The following NSMAF variants were observed in gnomAD, a reference collection of about 807,000 sequenced individuals.
NSMAF encodes the protein neutral sphingomyelinase activation associated factor.
Under a neutral mutation model 134.9 loss-of-function variants are expected in NSMAF, and 90 were observed. The ratio of observed to expected loss-of-function variants is 0.67; its 90% CI spans 0.56 to 0.79. NSMAF has a LOEUF of 0.79. NSMAF is among the 30% of genes least tolerant of loss of function. The probability of loss-of-function intolerance (pLI) is 0.00; values close to 1 mark genes in which losing one functional copy is unlikely to be tolerated. For missense variants in NSMAF, 1,010 were observed against 1,119.0 expected, an observed-to-expected ratio of 0.90 and a Z score of 1.39; for synonymous variants, 358 against 389.6, an observed-to-expected ratio of 0.92 and a Z score of 0.96.
intron 19 of NSMAF, among the ~76,000 whole-genome samples, chr8:58,598,364 A>T (rs550905664): frequency 6.6e-6 from 1 of 151,222 alleles, no homozygotes; most frequent in South Asian, 2.1e-4. Flanking sequence ...AAAAAAAAAA[A>T]CTCTGGCAGC....
intron 6 of NSMAF, among the ~76,000 whole-genome samples, chr8:58,624,839 G>A (rs2129144613): frequency 6.6e-6 from 1 of 152,154 alleles, no homozygotes; most frequent in South Asian, 2.1e-4. Flanking sequence ...TCGAAAGTGT[G>A]GTATTGAAAT....
chr8:58,616,698 A>T (rs1389572157), intron 9 of NSMAF, among the ~76,000 whole-genome samples: 1 of 152,188 alleles, frequency 6.6e-6, no homozygotes. Context: ...GAATGAGGCA[A>T]TAATGTTCAT....
intron 2 of NSMAF, among the ~76,000 whole-genome samples, chr8:58,636,261 C>G (rs994897606): frequency 5.9e-5 from 9 of 152,288 alleles, no homozygotes; most frequent in African/African-American, 2.2e-4. Flanking sequence ...TGGGACCCTG[C>G]TGAATAACAC....
At chr8:58,645,246 T>C (rs1287787794) in intron 1 of NSMAF, among the ~76,000 whole-genome samples, 1 of 149,774 alleles carries the variant, frequency 6.7e-6, no homozygotes, top group African/African-American at 2.4e-5. Flanking sequence ...TACTGCACTC[T>C]GGCATGTGGT....
intron 1 of NSMAF, among the ~76,000 whole-genome samples, chr8:58,656,521 T>C (rs1306185609): frequency 6.6e-6 from 1 of 152,136 alleles, no homozygotes; most frequent in Non-Finnish European, 1.5e-5. Flanking sequence ...ATAAATAATA[T>C]ACTTTTAAAA....
chr8:58,587,447 T>C (rs1805911469), intron 27 of NSMAF, among the ~76,000 whole-genome samples, 171 bp downstream of exon 27: 1 of 152,172 alleles, frequency 6.6e-6, no homozygotes. Flanking sequence ...CAAAACAAAG[T>C]AGACTTGGAA....
chr8:58,620,453 CA>C (rs1806761041), intron 9 of NSMAF, among the ~76,000 whole-genome samples: 1 of 152,088 alleles, frequency 6.6e-6, no homozygotes, highest in Admixed American at 6.6e-5. Context: ...GTCTTGGGGC[CA>C]TGTTAAGGTG....
intron 13 of NSMAF, 68 bp downstream of exon 13, chr8:58,603,142 T>G: frequency 7.1e-7 from 1 of 1,406,314 alleles, no homozygotes; most frequent in South Asian, 1.2e-5. Flanking sequence ...ATTTATTCTG[T>G]CCTTTAAAAA....
At chr8:58,640,196 C>A in intron 2 of NSMAF, 1 of 370,850 alleles carries the variant, frequency 2.7e-6, no homozygotes, top group South Asian at 2.0e-5. Context: ...TTCTTATTCC[C>A]ACACACACAA....
chr8:58,586,633 A>C, intron 27 of NSMAF, 25 bp from the exon 28 acceptor site: 1 of 1,577,340 alleles, frequency 6.3e-7, no homozygotes, highest in Non-Finnish European at 8.7e-7. Flanking sequence ...ACATTGATAC[A>C]TATTCCATTA....
intron 1 of NSMAF, among the ~76,000 whole-genome samples, chr8:58,648,372 T>C (rs759705372): frequency 1.3e-5 from 2 of 152,156 alleles, no homozygotes; most frequent in Non-Finnish European, 2.9e-5. Context: ...TCTGGGAAAT[T>C]TGTAGCCCGG....
chr8:58,602,525 A>T (rs1373965137), intron 13 of NSMAF, among the ~76,000 whole-genome samples: 2 of 152,158 alleles, frequency 1.3e-5, no homozygotes, highest in Non-Finnish European at 2.9e-5. Context: ...CTTCAATATT[A>T]GCCTATTTGA....
At chr8:58,605,197 A>AT (rs1806376160) in intron 12 of NSMAF, among the ~76,000 whole-genome samples, 1 of 152,228 alleles carries the variant, frequency 6.6e-6, no homozygotes, top group Admixed American at 6.5e-5. Flanking sequence ...GAAAATTCAC[A>AT]TTTTCCATGG....
chr8:58,587,169 G>A (rs1005407716), intron 27 of NSMAF, among the ~76,000 whole-genome samples: 1 of 152,228 alleles, frequency 6.6e-6, no homozygotes, highest in Non-Finnish European at 1.5e-5. Context: ...AGTGAGAACT[G>A]AGCCAACAGG....
chr8:58,645,502 A>C (rs1465020534), intron 1 of NSMAF, among the ~76,000 whole-genome samples: 7 of 152,180 alleles, frequency 4.6e-5, no homozygotes, highest in Non-Finnish European at 7.3e-5. Flanking sequence ...ATCATCCCAC[A>C]GTGAAACTCA....
chr8:58,599,094 T>C (rs1806212193), intron 19 of NSMAF, 138 bp downstream of exon 19: 12 of 811,044 alleles, frequency 1.5e-5, no homozygotes, highest in Non-Finnish European at 2.2e-5. Context: ...TGACAGAACA[T>C]GCTTCCACTG....
chr8:58,650,284 AT>A (rs1291197041), intron 1 of NSMAF, among the ~76,000 whole-genome samples: 1 of 152,026 alleles, frequency 6.6e-6, no homozygotes, highest in Non-Finnish European at 1.5e-5. Flanking sequence ...TTTTGTTTTT[AT>A]TTTTTTAATC....
rs537164924 is a variant in NSMAF at position 58,583,881 on chromosome 8, T to A, written c.*225A>T. 22 of 538,122 alleles carry A rather than the reference T, an allele frequency of 4.1e-5. No individual in the cohort carries two copies. The South Asian group carries it at 4.3e-4, about 10-fold the overall frequency. The allele number at this position is 538,122 out of a possible 1,614,324, so 33.3% of individuals were successfully genotyped here. A position where few individuals can be genotyped will look rare whatever the true frequency, so the allele number is the denominator to read the frequency against. ...ACGGGGACGATCATCTGCCTTACAG[T>A]GTAACATGTTTTTCCTAACACAGCC... On this transcript the variant is annotated 3_prime_UTR_variant, in exon 31 of 31. Coordinates refer to ENST00000038176, the MANE Select transcript of NSMAF (RefSeq NM_003580.4).
chr8:58,609,423 G>A (rs564134753), intron 10 of NSMAF, among the ~76,000 whole-genome samples, 181 bp downstream of exon 10: 4 of 152,048 alleles, frequency 2.6e-5, no homozygotes, highest in Non-Finnish European at 5.9e-5. Context: ...TCAAACTTCA[G>A]AGACTACACA....
Sources: allele counts gnomAD v4.1 joint callset (sites outside exome capture counted in the v4.1 genomes callset), GRCh38; gene constraint gnomAD v4.1.1; transcripts MANE v1.5; gene names NCBI Gene and HGNC (gene_info 2026-07-23, HGNC 2026-07-21).